The following PRKCE variants were observed in gnomAD, a reference collection of about 807,000 sequenced individuals.
The protein encoded by PRKCE is protein kinase C epsilon type.
In PRKCE, 16 loss-of-function variants were observed where a neutral mutation model predicts 85.4. The ratio of observed to expected loss-of-function variants is 0.19; its 90% confidence interval spans 0.13 to 0.28. PRKCE has a LOEUF of 0.28. PRKCE is among the 10% of genes least tolerant of loss of function. The pLI is 1.00. For missense variants in PRKCE, 573 were observed against 975.2 expected (o/e 0.59, Z 5.49); for synonymous variants, 388 against 371.5 (o/e 1.04, Z -0.51).
chr2:45,973,749 G>T (rs759213146), intron 2 of PRKCE, among the ~76,000 whole-genome samples: 1 of 152,154 alleles, frequency 6.6e-6, no homozygotes, highest in Non-Finnish European at 1.5e-5. Flanking sequence ...AGTTTAGAAC[G>T]ATTGGTTTCA....
intron 1 of PRKCE, among the ~76,000 whole-genome samples, chr2:45,713,044 C>A (rs975928299): frequency 1.3e-5 from 2 of 152,196 alleles, no homozygotes; most frequent in African/African-American, 4.8e-5. Context: ...TTTGTGTTTT[C>A]ATCTTGGTCC....
intron 1 of PRKCE, among the ~76,000 whole-genome samples, chr2:45,744,014 G>GTTTTTTTT: frequency 7.0e-6 from 1 of 143,404 alleles, no homozygotes; most frequent in Non-Finnish European, 1.5e-5. Flanking sequence ...TTTTTTTCCA[G>GTTTTTTTT]ATAATGCATC....
chr2:46,008,435 C>T (rs537163936), intron 9 of PRKCE, among the ~76,000 whole-genome samples: 8 of 152,206 alleles, frequency 5.3e-5, no homozygotes, highest in Non-Finnish European at 1.0e-4. Flanking sequence ...TGCATTTCAC[C>T]TGAGATCTCT....
Position 46,186,138 on chromosome 2 carries a change from G to A in PRKCE, c.*1257G>A, listed in dbSNP as rs1023152835. 1 of 152,550 alleles carries A rather than the reference G, an allele frequency of 6.6e-6. No homozygotes were observed. The highest frequency in any genetic ancestry group is 1.5e-5 in the Non-Finnish European group (1 of 68,016). The allele number at this position is 152,550 out of a possible 1,614,324, so 9.4% of individuals were successfully genotyped here. On this transcript the variant is annotated 3_prime_UTR_variant, in exon 15 of 15. Coordinates refer to ENST00000306156, the MANE Select transcript of PRKCE (RefSeq NM_005400.3). ...GCAACTCATGTGGACACTATTGAAG[G>A]GATGTGACATTACCTCCTGTAGATA... is the stretch of plus-strand genomic sequence containing the variant.
chr2:45,966,261 G>A (rs1701721562), intron 2 of PRKCE, among the ~76,000 whole-genome samples: 1 of 152,192 alleles, frequency 6.6e-6, no homozygotes, highest in South Asian at 2.1e-4. Context: ...TCATAGATGT[G>A]TAACATGACC....
chr2:45,963,418 C>A (rs564588363), intron 2 of PRKCE, among the ~76,000 whole-genome samples: 140 of 152,274 alleles, frequency 9.2e-4, no homozygotes, highest in Non-Finnish European at 1.6e-3. Flanking sequence ...AAGCAACTCT[C>A]CTGCCTCAGC....
At chr2:45,692,345 T>C (rs1232529151) in intron 1 of PRKCE, among the ~76,000 whole-genome samples, 5 of 152,124 alleles carry the variant, frequency 3.3e-5, no homozygotes, top group African/African-American at 1.2e-4. Context: ...CATTTCCACC[T>C]TCTGGTAGCC....
At chr2:45,707,108 G>A (rs1679177303) in intron 1 of PRKCE, among the ~76,000 whole-genome samples, 1 of 152,184 alleles carries the variant, frequency 6.6e-6, no homozygotes, top group African/African-American at 2.4e-5. Context: ...TACCACATCT[G>A]AGTCTGCAAG....
chr2:45,920,832 T>C (rs908254190), intron 2 of PRKCE, among the ~76,000 whole-genome samples: 1 of 152,218 alleles, frequency 6.6e-6, no homozygotes, highest in Non-Finnish European at 1.5e-5. Flanking sequence ...TCTCTGAATA[T>C]ACTAAAACAA....
chr2:45,747,764 T>C (rs1683252497), intron 1 of PRKCE, among the ~76,000 whole-genome samples: 2 of 152,224 alleles, frequency 1.3e-5, no homozygotes, highest in Admixed American at 1.3e-4. Context: ...TTTTTAATTT[T>C]TTAAGAAACC....
intron 14 of PRKCE, among the ~76,000 whole-genome samples, chr2:46,160,350 G>C (rs567443048): frequency 6.6e-6 from 1 of 152,194 alleles, no homozygotes; most frequent in Non-Finnish European, 1.5e-5. Flanking sequence ...GTTGGAGGGG[G>C]CATGTAACAC....
At position 46,044,936 on chromosome 2, in the gene PRKCE, C is replaced by G. The variant is rs935391338; in HGVS notation, c.1437+34419C>G. On this transcript the variant is annotated intron_variant, in intron 10 of 14. Coordinates refer to ENST00000306156, the MANE Select transcript of PRKCE (RefSeq NM_005400.3). ...AGTGTATGTTACATGTTTGTATCTT[C>G]TTATTCTATATACTTCGTTATGTAT... Among the ~76,000 whole-genome samples, 17 of 152,134 alleles carry G rather than the reference C, an allele frequency of 1.1e-4. 1 individual carries two copies. Among genetic ancestry groups the G allele is most frequent in the African/African-American group, 3.6e-4 (15 of 41,428 alleles).
chr2:45,972,698 A>G (rs1475029162), intron 2 of PRKCE, among the ~76,000 whole-genome samples: 3 of 152,238 alleles, frequency 2.0e-5, no homozygotes, highest in Admixed American at 1.3e-4. Flanking sequence ...AGTTTTCCCA[A>G]CATCATTTAT....
chr2:46,146,399 T>G (rs1676074475), intron 12 of PRKCE, among the ~76,000 whole-genome samples: 1 of 152,258 alleles, frequency 6.6e-6, no homozygotes, highest in Non-Finnish European at 1.5e-5. Context: ...AAGAACTGAC[T>G]GAGACACTTG....
chr2:46,031,239 C>T (rs1707490969), intron 10 of PRKCE, among the ~76,000 whole-genome samples: 1 of 152,172 alleles, frequency 6.6e-6, no homozygotes, highest in African/African-American at 2.4e-5. Context: ...AATAAAATGT[C>T]AATATCTCCT....
In PRKCE at chr2:46,094,990, C is replaced by T. The variant is rs902123068; in HGVS notation, c.1592+8628C>T. Among the ~76,000 whole-genome samples, 5 of 152,104 alleles carry T rather than the reference C, an allele frequency of 3.3e-5. No individual in the cohort carries two copies. In the East Asian group the frequency reaches 9.6e-4, roughly 29 times the overall value. ...ATTATTCTAAAATTATTGAATGATGCGATATAGGTCTGTTTTCATCTATTG... is the reference window on the plus strand; with the variant it reads ...ATTATTCTAAAATTATTGAATGATGTGATATAGGTCTGTTTTCATCTATTG... On this transcript the variant is annotated intron_variant, in intron 11 of 14. Transcript: ENST00000306156.
intron 1 of PRKCE, among the ~76,000 whole-genome samples, chr2:45,667,860 T>G (rs1157816228): frequency 6.6e-6 from 1 of 152,076 alleles, no homozygotes; most frequent in Non-Finnish European, 1.5e-5. Flanking sequence ...GCACTGTGGT[T>G]AAGTGGAAGG....
chr2:45,967,658 A>C (rs1701823524), intron 2 of PRKCE, among the ~76,000 whole-genome samples: 5 of 152,140 alleles, frequency 3.3e-5, no homozygotes, highest in Admixed American at 3.3e-4. Flanking sequence ...GGAAATAACA[A>C]AATTTGAAGT....
chr2:46,010,933 T>C, intron 10 of PRKCE: 1 of 1,426,156 alleles, frequency 7.0e-7, no homozygotes, highest in Non-Finnish European at 9.1e-7. Flanking sequence ...ATCTGTGTAA[T>C]GTCATCTGAA....
Sources: gnomAD v4.1 joint callset for allele counts (sites outside exome capture counted in the v4.1 genomes callset) on GRCh38, gnomAD v4.1.1 for gene constraint, MANE v1.5 for transcripts, NCBI Gene and HGNC (gene_info 2026-07-23, HGNC 2026-07-21) for gene names.